Variants in ENOX2 observed in about 807,000 individuals in gnomAD.
ENOX2 encodes the protein ecto-NOX disulfide-thiol exchanger 2, also known as APK1 antigen.
ENOX2 carries 36 observed loss-of-function variants against 45.0 expected under a neutral mutation model. The observed-to-expected ratio is 0.80, with a 90% confidence interval of 0.61 to 1.06. The LOEUF is 1.06. ENOX2 is among the 50% of genes least tolerant of loss of function. The pLI, the probability that ENOX2 is intolerant of heterozygous loss-of-function variation, is 0.00. For synonymous variants in ENOX2, 174 were observed against 152.3 expected (o/e 1.14, Z -1.05); for missense variants, 423 against 462.5 (o/e 0.91, Z 0.78).
intron 2 of ENOX2, among the ~76,000 whole-genome samples, chrX:130,898,924 C>T (rs1388551920): frequency 9.1e-6 from 1 of 110,437 alleles, no homozygotes; most frequent in African/African-American, 3.3e-5. Context: ...TCCAGAAGAG[C>T]TGTATCAAAT....
At chrX:130,792,043 C>T (rs1240083957) in intron 2 of ENOX2, among the ~76,000 whole-genome samples, 1 of 112,067 alleles carries the variant, frequency 8.9e-6, no homozygotes, top group Non-Finnish European at 1.9e-5. Flanking sequence ...ATATGTGGTA[C>T]ATATACACCA....
intron 3 of ENOX2, among the ~76,000 whole-genome samples, chrX:130,768,202 G>A (rs1169522058): frequency 2.7e-5 from 3 of 111,511 alleles, no homozygotes; most frequent in African/African-American, 9.8e-5. Context: ...GACAGGATAG[G>A]GAGTCTGAAG....
intron 2 of ENOX2, among the ~76,000 whole-genome samples, chrX:130,822,187 A>G (rs955509611): frequency 6.3e-5 from 7 of 111,566 alleles, no homozygotes; most frequent in African/African-American, 2.3e-4. Context: ...CAAAGTGCAC[A>G]GAATGCAAAA....
chrX:130,732,361 C>T (rs1414153764), intron 3 of ENOX2, among the ~76,000 whole-genome samples: 1 of 111,522 alleles, frequency 9.0e-6, no homozygotes, highest in Non-Finnish European at 1.9e-5. Context: ...AAGACACAAA[C>T]AAATGAAAAG....
chrX:130,780,537 G>A (rs1178795561), intron 3 of ENOX2, among the ~76,000 whole-genome samples: 1 of 111,733 alleles, frequency 8.9e-6, no homozygotes, highest in Admixed American at 9.5e-5. Context: ...GACAGTAAAG[G>A]AAGAATCTGC....
intron 9 of ENOX2, among the ~76,000 whole-genome samples, chrX:130,657,944 A>C (rs1440249995): frequency 8.9e-6 from 1 of 112,146 alleles, no homozygotes; most frequent in East Asian, 2.8e-4. Context: ...TCATGATGTA[A>C]AGAAAATATG....
At chrX:130,741,709 T>C (rs971705610) in intron 3 of ENOX2, among the ~76,000 whole-genome samples, 1 of 111,204 alleles carries the variant, frequency 9.0e-6, no homozygotes, top group Non-Finnish European at 1.9e-5. Flanking sequence ...GCGCATGCTT[T>C]CAAAATAGGA....
chrX:130,683,729 A>C (rs866399937), intron 5 of ENOX2, among the ~76,000 whole-genome samples: 11 of 109,838 alleles, frequency 1.0e-4, no homozygotes, highest in African/African-American at 3.7e-4. Flanking sequence ...CTAATTGGGA[A>C]TTCAGTAAAT....
At chrX:130,687,491 A>G (rs1176739217) in intron 5 of ENOX2, among the ~76,000 whole-genome samples, 1 of 112,677 alleles carries the variant, frequency 8.9e-6, no homozygotes, top group Non-Finnish European at 1.9e-5. Context: ...GCCATTGCCC[A>G]CTTGTAGGGA....
At chrX:130,821,710 A>AAT (rs1569505766) in intron 2 of ENOX2, among the ~76,000 whole-genome samples, 2 of 94,826 alleles carry the variant, frequency 2.1e-5, no homozygotes, top group Non-Finnish European at 4.2e-5. Context: ...AAATTAAAAA[A>AAT]AAAATAAATA....
intron 2 of ENOX2, among the ~76,000 whole-genome samples, chrX:130,811,396 T>C (rs1203621826): frequency 8.9e-6 from 1 of 111,763 alleles, no homozygotes; most frequent in Non-Finnish European, 1.9e-5. Flanking sequence ...AATCAACAGA[T>C]ACGCCACAGT....
intron 4 of ENOX2, among the ~76,000 whole-genome samples, chrX:130,692,075 A>G (rs2037614477): frequency 8.8e-6 from 1 of 113,225 alleles, no homozygotes; most frequent in African/African-American, 3.2e-5. Flanking sequence ...ACTGCCCATA[A>G]GGGCTTCCTA....
At chrX:130,670,255 A>T in intron 6 of ENOX2, 57 bp from the exon 7 acceptor site, 1 of 806,392 alleles carries the variant, frequency 1.2e-6, no homozygotes, top group Non-Finnish European at 1.9e-6. Context: ...AGAGAAGTAG[A>T]GGGAGAGAGA....
chrX:130,846,160 A>G (rs1374761833), intron 2 of ENOX2, among the ~76,000 whole-genome samples: 1 of 111,493 alleles, frequency 9.0e-6, no homozygotes, highest in African/African-American at 3.3e-5. Flanking sequence ...ACTACGGAAG[A>G]TCAGGTTGAG....
intron 6 of ENOX2, among the ~76,000 whole-genome samples, chrX:130,675,422 T>C (rs2037120777): frequency 8.9e-6 from 1 of 112,674 alleles, no homozygotes; most frequent in Non-Finnish European, 1.9e-5. Flanking sequence ...TAACATCACA[T>C]TTCTTGTTGG....
At chrX:130,718,047 C>A (rs1446747711) in intron 3 of ENOX2, among the ~76,000 whole-genome samples, 1 of 111,130 alleles carries the variant, frequency 9.0e-6, no homozygotes, top group Non-Finnish European at 1.9e-5. Flanking sequence ...CCTCTCCCTC[C>A]CCTCCCTCTC....
rs1160443777 is a variant in ENOX2, at chrX:130,679,560, T to C, written c.442A>G (p.Lys148Glu). Residue 148 changes from lysine (K) to glutamate (E), a missense_variant, in exon 6 of 15, where the codon AAA (lysine) becomes GAA (glutamate). Coordinates refer to ENST00000394363, the MANE Select transcript of ENOX2 (RefSeq NM_006375.4). ...CACCTACCAGACAGATACAGGGCTTTGTCCACCATGTACTCCTCAGCAAAG... is the reference window on the plus strand; with the variant it reads ...CACCTACCAGACAGATACAGGGCTTCGTCCACCATGTACTCCTCAGCAAAG... ...IRFAEEYMVD[K>E]ALYLSGYRIR... The C allele has an allele frequency of 8.3e-7, 1 of 1,207,124 alleles. No homozygotes were observed. Among genetic ancestry groups the C allele is most frequent in the Non-Finnish European group, 1.1e-6 (1 of 892,528 alleles).
rs183753264 is a variant in ENOX2, at chrX:130,628,576, C to A, written c.1529-533G>T. On this transcript the variant is annotated intron_variant, in intron 13 of 14. Transcript: ENST00000394363. The stretch of plus-strand genomic sequence containing the variant: ...TTCCTGATTAACCTTGTGCCTCTCA[C>A]AAGAAAGTCTGCTGATTGTATTTGG... Among the ~76,000 whole-genome samples the A allele has an allele frequency of 2.7e-5, 3 of 112,782 alleles. No individual in the cohort carries two copies. The East Asian group carries it at 8.3e-4, about 31-fold the overall frequency.
intron 2 of ENOX2, among the ~76,000 whole-genome samples, chrX:130,898,209 T>G (rs768438926): frequency 2.2e-3 from 247 of 111,439 alleles, no homozygotes; most frequent in Middle Eastern, 4.7e-3. Flanking sequence ...GGTTTCCCCA[T>G]GGTGGCCAGC....
Sources: gnomAD v4.1 joint callset for allele counts (sites outside exome capture counted in the v4.1 genomes callset) on GRCh38, gnomAD v4.1.1 for gene constraint, MANE v1.5 for transcripts, NCBI Gene and HGNC (gene_info 2026-07-23, HGNC 2026-07-21) for gene names.